Variants in SRRM3 observed in about 807,000 individuals in gnomAD.
SRRM3 encodes serine/arginine repetitive matrix protein 3.
A neutral mutation model predicts 66.2 loss-of-function variants in SRRM3; 27 were observed. The ratio of observed to expected loss-of-function variants is 0.41; its 90% CI spans 0.30 to 0.56. The LOEUF (loss-of-function observed/expected upper bound fraction) is 0.56. SRRM3 is among the 20% of genes least tolerant of loss of function. The pLI, the probability that SRRM3 is intolerant of heterozygous loss-of-function variation, is 0.32. For synonymous variants in SRRM3, 391 were observed against 414.9 expected (o/e 0.94, Z 0.70); for missense variants, 918 against 991.9 (o/e 0.93, Z 1.00).
At chr7:76,202,982 C>T (rs1309131192) in intron 1 of SRRM3, among the ~76,000 whole-genome samples, 2 of 152,192 alleles carry the variant, frequency 1.3e-5, no homozygotes, top group Admixed American at 1.3e-4. Flanking sequence ...GTCCTAAGAC[C>T]TCACTCACCC....
intron 1 of SRRM3, among the ~76,000 whole-genome samples, chr7:76,206,240 T>C (rs116092134): frequency 1.3e-5 from 2 of 152,234 alleles, no homozygotes; most frequent in African/African-American, 4.8e-5. Context: ...TGCTAGAATG[T>C]GGCGTGAGCC....
At chr7:76,274,869 G>C (rs1802301777) in intron 11 of SRRM3, among the ~76,000 whole-genome samples, 7 of 152,220 alleles carry the variant, frequency 4.6e-5, no homozygotes, top group Admixed American at 3.9e-4. Context: ...ACTCTGGGAG[G>C]CCGAGGTGGG....
intron 3 of SRRM3, among the ~76,000 whole-genome samples, chr7:76,253,481 C>T (rs1052896677): frequency 1.4e-4 from 21 of 151,708 alleles, no homozygotes; most frequent in African/African-American, 4.4e-4. Flanking sequence ...ATTAGCTGGG[C>T]GTGGTGGTGG....
chr7:76,283,136 G>T (rs1563643729), intron 14 of SRRM3, 35 bp downstream of exon 14: 6 of 1,375,218 alleles, frequency 4.4e-6, no homozygotes, highest in Admixed American at 5.9e-5. Context: ...GTGGCGCAGG[G>T]CTGGGGCCGC....
chr7:76,210,444 T>C (rs1218879251), intron 1 of SRRM3, among the ~76,000 whole-genome samples: 7 of 152,322 alleles, frequency 4.6e-5, no homozygotes, highest in Admixed American at 1.3e-4. Context: ...TTCTCTCTCC[T>C]GCTCCTCAGA....
rs1554608373 is a variant in SRRM3 at position 76,260,128 on chromosome 7, G to T, written c.476G>T (p.Trp159Leu). The T allele has an allele frequency of 6.6e-7, 1 of 1,505,308 alleles. No individual in the cohort carries two copies. The highest frequency in any genetic ancestry group is 8.8e-7 in the Non-Finnish European group (1 of 1,134,912). The allele number at this position is 1,505,308 out of a possible 1,614,324, so 93.2% of individuals were successfully genotyped here. ...CCCTTCTCCCCCAGGACCAAGCATTGGTCTAGCAGCTCGGCATCGCCCCCT... is the reference window on the plus strand; with the variant it reads ...CCCTTCTCCCCCAGGACCAAGCATTTGTCTAGCAGCTCGGCATCGCCCCCT... The part of the protein sequence containing the change: ...RGHRGYRTKH[W>L]SSSSASPPPK... The change falls in exon 5 of 15, where the codon TGG becomes TTG. Residue 159 changes from tryptophan to leucine, a missense_variant. Trp to Leu is a moderately conservative substitution (Grantham distance 61). Coordinates refer to ENST00000611745, the MANE Select transcript of SRRM3 (RefSeq NM_001110199.3).
At chr7:76,263,409 C>A (rs1801929340) in intron 8 of SRRM3, among the ~76,000 whole-genome samples, 1 of 152,114 alleles carries the variant, frequency 6.6e-6, no homozygotes, top group African/African-American at 2.4e-5. Flanking sequence ...TTGGGTGAGA[C>A]CTTTGAGGGC....
chr7:76,283,208 G>T, intron 14 of SRRM3, 107 bp downstream of exon 14: 2 of 1,205,098 alleles, frequency 1.7e-6, no homozygotes, highest in Non-Finnish European at 2.1e-6. Flanking sequence ...CACTGAACCT[G>T]GCACGGGGAT....
chr7:76,227,543 C>T (rs1471550104), intron 1 of SRRM3, among the ~76,000 whole-genome samples: 4 of 152,224 alleles, frequency 2.6e-5, no homozygotes, highest in African/African-American at 9.6e-5. Context: ...CTCTGGCAGC[C>T]CTGCCTCCTG....
Position 76,215,793 on chromosome 7 carries a change from A to ATT in SRRM3, c.-40+13747_-40+13748dup, listed in dbSNP as rs35624440. ...AGGCATGTGCCACCACACCTGGCTA[A>ATT]TTTTTTTTTTTTTTTTTTTTTTGAG... On this transcript the variant is annotated intron_variant, in intron 1 of 14. Coordinates refer to ENST00000611745, the MANE Select transcript of SRRM3 (RefSeq NM_001110199.3). 2.1e-3 allele frequency among the ~76,000 whole-genome samples: 202 copies of ATT among 96,802 alleles called. 2 individuals carry two copies. Among genetic ancestry groups the ATT allele is most frequent in the African/African-American group, 5.9e-3 (119 of 20,190 alleles). The allele number at this position is 96,802 out of a possible 152,430, so 63.5% of individuals were successfully genotyped here. A position where few individuals can be genotyped will look rare whatever the true frequency, so the allele number is the denominator to read the frequency against.
intron 2 of SRRM3, among the ~76,000 whole-genome samples, chr7:76,246,421 AGG>A (rs1801441884): frequency 6.6e-6 from 1 of 152,006 alleles, no homozygotes. Context: ...AAAATTAGCC[AGG>A]CATGGTGGCA....
Position 76,235,267 on chromosome 7 carries a change from C to A in SRRM3, c.201C>A (p.Cys67Ter). 1 of 1,536,846 alleles carries A rather than the reference C, an allele frequency of 6.5e-7. No individual in the cohort carries two copies. The highest frequency in any genetic ancestry group is 8.7e-7 in the Non-Finnish European group (1 of 1,149,052). ...GCAAGCGGCGGGTGGAGCTCAAGTGCATGGAGCTGCAGGAGATGATGGAGG... is the reference window on the plus strand; with the variant it reads ...GCAAGCGGCGGGTGGAGCTCAAGTGAATGGAGCTGCAGGAGATGATGGAGG... ...HERKRRVELK[C>*]MELQEMMEEQ... The change falls in exon 2 of 15, where the codon TGC becomes TGA. Residue 67 changes from cysteine (C) to a stop codon, truncating the protein, a stop_gained. Coordinates refer to ENST00000611745, the MANE Select transcript of SRRM3 (RefSeq NM_001110199.3). LOFTEE classifies it high-confidence loss of function.
At chr7:76,267,764 T>G in intron 11 of SRRM3, 5 of 262,892 alleles carry the variant, frequency 1.9e-5, no homozygotes, top group Non-Finnish European at 2.9e-5. Flanking sequence ...CAGGGTCTCG[T>G]GCCCTCCCCA....
rs547270211 is a variant in SRRM3 at position 76,265,479 on chromosome 7, G to A, written c.830+11G>A. ...CAGATCTCCCAGCAGGTAGGCCTGG[G>A]CCTCTGGGAGGCTTTCTCCTGGTGG... On this transcript the variant is annotated intron_variant, in intron 10 of 14. Coordinates refer to ENST00000611745, the MANE Select transcript of SRRM3 (RefSeq NM_001110199.3). 1 of 1,592,884 alleles carries A rather than the reference G, an allele frequency of 6.3e-7. No homozygotes were observed. Among genetic ancestry groups the A allele is most frequent in the Non-Finnish European group, 8.6e-7 (1 of 1,168,780 alleles).
chr7:76,203,269 A>C (rs1167866316), intron 1 of SRRM3, among the ~76,000 whole-genome samples: 1 of 152,174 alleles, frequency 6.6e-6, no homozygotes, highest in African/African-American at 2.4e-5. Flanking sequence ...TAAAGAGTCA[A>C]CTGGGTTTTA....
intron 3 of SRRM3, among the ~76,000 whole-genome samples, chr7:76,255,428 C>T (rs529103543): frequency 2.0e-4 from 31 of 152,172 alleles, no homozygotes; most frequent in Non-Finnish European, 3.7e-4. Flanking sequence ...GGATTATAGG[C>T]ATGAGCCACC....
intron 2 of SRRM3, among the ~76,000 whole-genome samples, chr7:76,242,339 G>T (rs149281231): frequency 0.079 from 11,951 of 152,056 alleles, 1,103 homozygotes; most frequent in African/African-American, 0.22. Flanking sequence ...ACAAAAATTA[G>T]CTGGGCGTGG....
At chr7:76,220,801 G>A (rs1554603097) in intron 1 of SRRM3, among the ~76,000 whole-genome samples, 4 of 152,184 alleles carry the variant, frequency 2.6e-5, no homozygotes, top group Non-Finnish European at 4.4e-5. Context: ...CCAGCCTTGG[G>A]GCTCTGGCCA....
chr7:76,249,866 AAAAATAATAAT>A (rs1801529544), intron 3 of SRRM3, among the ~76,000 whole-genome samples: 1 of 152,206 alleles, frequency 6.6e-6, no homozygotes, highest in Non-Finnish European at 1.5e-5. Context: ...TTCTGTTTCA[AAAAATAATAAT>A]AAAATAATAA....
Sources: allele counts gnomAD v4.1 joint callset (sites outside exome capture counted in the v4.1 genomes callset), GRCh38; gene constraint gnomAD v4.1.1; transcripts MANE v1.5; gene names NCBI Gene and HGNC (gene_info 2026-07-23, HGNC 2026-07-21).